CAMK2D: variants seen among roughly 807,000 people sequenced by gnomAD.
CAMK2D encodes calcium/calmodulin-dependent protein kinase type II subunit delta.
In CAMK2D, 37 loss-of-function variants were observed where a neutral mutation model predicts 84.0. The ratio of observed to expected loss-of-function variants is 0.44; its 90% CI spans 0.34 to 0.58. The LOEUF (loss-of-function observed/expected upper bound fraction) is 0.58, where lower values mean the gene tolerates loss of function less well. Among genes scored for constraint, CAMK2D ranks in the 20% least tolerant of loss-of-function variants. The pLI is 0.02. For synonymous variants in CAMK2D, 202 were observed against 212.5 expected (o/e 0.95, Z 0.43); for missense variants, 448 against 652.5 (o/e 0.69, Z 3.41).
chr4:113,658,586 A>T (rs1441505456), intron 3 of CAMK2D, among the ~76,000 whole-genome samples: 1 of 152,086 alleles, frequency 6.6e-6, no homozygotes, highest in African/African-American at 2.4e-5. Context: ...TTTCCTCAAC[A>T]ATTATCACCA....
intron 2 of CAMK2D, among the ~76,000 whole-genome samples, chr4:113,737,226 A>G (rs764600550): frequency 7.9e-5 from 12 of 152,234 alleles, no homozygotes; most frequent in Non-Finnish European, 1.6e-4. Context: ...AACAAATGCC[A>G]AAAGATAGAA....
chr4:113,497,729 T>C (rs970931975), intron 16 of CAMK2D, among the ~76,000 whole-genome samples: 3 of 152,196 alleles, frequency 2.0e-5, no homozygotes, highest in Admixed American at 6.5e-5. Flanking sequence ...GGGCAGAATG[T>C]GCACTGCCTT....
chr4:113,652,314 A>G (rs1033475635), intron 3 of CAMK2D, among the ~76,000 whole-genome samples: 1 of 152,220 alleles, frequency 6.6e-6, no homozygotes, highest in East Asian at 1.9e-4. Context: ...TTTAGACCAG[A>G]GCCTGATAAC....
chr4:113,557,980 C>G (rs573480872), intron 4 of CAMK2D, among the ~76,000 whole-genome samples: 56 of 152,308 alleles, frequency 3.7e-4, no homozygotes, highest in African/African-American at 1.3e-3. Flanking sequence ...CCAAGCATAA[C>G]CTTTGGTCCC....
rs1278149749 is a variant in CAMK2D, at chr4:113,502,870, T to A, written c.1086+66A>T. On this transcript the variant is annotated intron_variant, in intron 15 of 20. Coordinates refer to ENST00000511664, the MANE Select transcript of CAMK2D (RefSeq NM_001321571.2). Reference sequence around the variant, plus strand: ...CCTATTTTTAGATAACGAATTAATTTTTTTGAATATTTGATGAGATGTATA... The same window carrying A: ...CCTATTTTTAGATAACGAATTAATTATTTTGAATATTTGATGAGATGTATA... 3 of 1,102,252 alleles carry A rather than the reference T, an allele frequency of 2.7e-6. No individual in the cohort carries two copies. In the Admixed American group the frequency reaches 5.3e-5, roughly 20 times the overall value. 68.3% of individuals were successfully genotyped at this position (1,102,252 alleles called of 1,614,324 possible). A position where few individuals can be genotyped will look rare whatever the true frequency, so the allele number is the denominator to read the frequency against.
intron 4 of CAMK2D, among the ~76,000 whole-genome samples, chr4:113,581,213 G>T (rs749674522): frequency 1.3e-4 from 19 of 151,932 alleles, no homozygotes; most frequent in Non-Finnish European, 2.4e-4. Context: ...AACTGAGAAG[G>T]AAGAAAAAAA....
intron 4 of CAMK2D, among the ~76,000 whole-genome samples, chr4:113,585,949 G>A (rs1248969598): frequency 6.6e-6 from 1 of 152,140 alleles, no homozygotes; most frequent in African/African-American, 2.4e-5. Context: ...TGGCCACATT[G>A]TTTCCTTTCC....
At chr4:113,457,144 A>G (rs1228982282) in intron 19 of CAMK2D, 191 bp downstream of exon 19, 1 of 1,417,086 alleles carries the variant, frequency 7.1e-7, no homozygotes, top group Non-Finnish European at 9.2e-7. Context: ...AGCAAGTTTC[A>G]ACCCACAAAT....
chr4:113,705,080 G>A (rs891166233), intron 2 of CAMK2D, among the ~76,000 whole-genome samples: 4 of 150,890 alleles, frequency 2.7e-5, no homozygotes, highest in African/African-American at 7.3e-5. Flanking sequence ...GGTGGCTCAC[G>A]CCTGTAATCC....
chr4:113,707,363 A>G (rs1290503248), intron 2 of CAMK2D, among the ~76,000 whole-genome samples: 1 of 152,196 alleles, frequency 6.6e-6, no homozygotes, highest in Non-Finnish European at 1.5e-5. Context: ...GGCTGTGAAG[A>G]AAAACCTGAG....
intron 3 of CAMK2D, among the ~76,000 whole-genome samples, chr4:113,616,357 T>C (rs549629283): frequency 9.2e-5 from 14 of 152,292 alleles, no homozygotes; most frequent in Admixed American, 3.9e-4. Context: ...TCCATCCTTA[T>C]TCCCAAATCC....
chr4:113,689,280 A>C (rs2099374883), intron 2 of CAMK2D, among the ~76,000 whole-genome samples: 1 of 152,124 alleles, frequency 6.6e-6, no homozygotes, highest in African/African-American at 2.4e-5. Flanking sequence ...TTAGAACAAA[A>C]AAGAAGATTA....
intron 3 of CAMK2D, among the ~76,000 whole-genome samples, chr4:113,658,953 G>T (rs555417083): frequency 6.6e-6 from 1 of 152,194 alleles, no homozygotes; most frequent in Non-Finnish European, 1.5e-5. Context: ...ACATTTGGCT[G>T]TTATGGATCC....
chr4:113,684,674 T>C (rs2099354605), intron 2 of CAMK2D, among the ~76,000 whole-genome samples: 1 of 152,148 alleles, frequency 6.6e-6, no homozygotes, highest in African/African-American at 2.4e-5. Context: ...GCCCAGAAAG[T>C]CTCAGTTACT....
chr4:113,749,820 G>A (rs1250542175), intron 2 of CAMK2D, among the ~76,000 whole-genome samples: 2 of 152,156 alleles, frequency 1.3e-5, no homozygotes, highest in Non-Finnish European at 2.9e-5. Flanking sequence ...AGCAGAATTT[G>A]TCATGACAAA....
Position 113,521,825 on chromosome 4 carries a change from T to TTAAGA in CAMK2D, c.602-4173_602-4169dup, listed in dbSNP as rs557467950. Among the ~76,000 whole-genome samples the TTAAGA allele has an allele frequency of 1.9e-3, 292 of 152,298 alleles. 2 individuals carry two copies. Among genetic ancestry groups the TTAAGA allele is most frequent in the South Asian group, 0.016 (78 of 4,828 alleles). Reference sequence around the variant, plus strand: ...GTATTGATACAATGTTTCAATTTGGTTAAGATAATATTGGAGTGGGAAATG... The same window carrying TTAAGA: ...GTATTGATACAATGTTTCAATTTGGTTAAGATAAGATAATATTGGAGTGGGAAATG... On this transcript the variant is annotated intron_variant, in intron 8 of 20. Transcript: ENST00000511664.
chr4:113,491,962 C>G (rs13144703), intron 16 of CAMK2D, among the ~76,000 whole-genome samples: 19 of 151,496 alleles, frequency 1.3e-4, no homozygotes, highest in South Asian at 6.3e-4. Flanking sequence ...ATGGTAGTTT[C>G]TATTTCTGTG....
chr4:113,726,550 TTTTG>T (rs543292271), intron 2 of CAMK2D, among the ~76,000 whole-genome samples: 3,536 of 150,900 alleles, frequency 0.023, 111 homozygotes, highest in African/African-American at 0.069. Context: ...CCTGGCTAAT[TTTTG>T]TTTGTTTGTT....
In CAMK2D at chr4:113,528,564, A is replaced by G. The variant is rs959058306; in HGVS notation, c.601+2652T>C. Among the ~76,000 whole-genome samples the G allele has an allele frequency of 9.9e-5, 15 of 152,216 alleles. 1 individual carries two copies. Among genetic ancestry groups the G allele is most frequent in the African/African-American group, 2.4e-4 (10 of 41,548 alleles). ...GAAGCAGGCAAAGAAAGAGTATGAA[A>G]TGTCCCTTATGCTGAGTCCTGCTTC... On this transcript the variant is annotated intron_variant, in intron 8 of 20. Coordinates refer to ENST00000511664, the MANE Select transcript of CAMK2D (RefSeq NM_001321571.2).
Sources: gnomAD v4.1 joint callset for allele counts (sites outside exome capture counted in the v4.1 genomes callset) on GRCh38, gnomAD v4.1.1 for gene constraint, MANE v1.5 for transcripts, NCBI Gene and HGNC (gene_info 2026-07-23, HGNC 2026-07-21) for gene names.